Variants in MGAT5 observed in about 807,000 individuals in gnomAD.
The protein encoded by MGAT5 is alpha-1,6-mannosylglycoprotein 6-beta-N-acetylglucosaminyltransferase A.
MGAT5 carries 30 observed loss-of-function variants against 94.3 expected under a neutral mutation model. The ratio of observed to expected loss-of-function variants is 0.32; its 90% CI spans 0.24 to 0.43. The LOEUF is 0.43. Among genes scored for constraint, MGAT5 ranks in the 20% least tolerant of loss-of-function variants. MGAT5 has a pLI of 1.00. For missense variants in MGAT5, 691 were observed against 905.5 expected (o/e 0.76, Z 3.04); for synonymous variants, 310 against 322.9 (o/e 0.96, Z 0.43).
Position 134,254,380 on chromosome 2 carries a change from G to A in MGAT5, c.-24G>A. 11 of 1,613,708 alleles carry A rather than the reference G, an allele frequency of 6.8e-6. No individual in the cohort carries two copies. Among genetic ancestry groups the A allele is most frequent in the Non-Finnish European group, 9.3e-6 (11 of 1,179,814 alleles). On this transcript the variant is annotated 5_prime_UTR_variant, in exon 1 of 16. Coordinates refer to ENST00000281923, the MANE Select transcript of MGAT5 (RefSeq NM_002410.5). ...TATCTTCTACGCGTTAAGAGCCAAG[G>A]ACAGGTGAAGTTGCCAGAGAGCAAT... is the stretch of plus-strand genomic sequence containing the variant.
intron 2 of MGAT5, among the ~76,000 whole-genome samples, chr2:134,279,638 G>A (rs1311485605): frequency 6.6e-6 from 1 of 152,192 alleles, no homozygotes; most frequent in Non-Finnish European, 1.5e-5. Flanking sequence ...GGGCTGTCCT[G>A]GGGACCTTGA....
intron 1 of MGAT5, among the ~76,000 whole-genome samples, chr2:134,155,400 G>T (rs1366495364): frequency 6.6e-6 from 1 of 152,234 alleles, no homozygotes; most frequent in East Asian, 1.9e-4. Context: ...GGTTTCTGAA[G>T]TTGGTCTGAT....
intron 1 of MGAT5, among the ~76,000 whole-genome samples, chr2:134,233,739 C>G (rs991733149): frequency 6.6e-6 from 1 of 152,148 alleles, no homozygotes; most frequent in Non-Finnish European, 1.5e-5. Context: ...AAATTTAAAC[C>G]CTGCAGGTAG....
In MGAT5 at chr2:134,417,030, A is replaced by G. The variant is rs1386701633; in HGVS notation, c.1677+4015A>G. Among the ~76,000 whole-genome samples, 8 of 152,040 alleles carry G rather than the reference A, an allele frequency of 5.3e-5. No individual in the cohort carries two copies. The East Asian group carries it at 1.4e-3, about 26-fold the overall frequency. ...TATAAATCATTTTGTTTATTCAGTT[A>G]TTGATGGATAAATGGGCAAAAGGTT... On this transcript the variant is annotated intron_variant, in intron 12 of 15. Coordinates refer to ENST00000281923, the MANE Select transcript of MGAT5 (RefSeq NM_002410.5).
chr2:134,388,207 T>A lies in MGAT5; in HGVS notation c.1381-14781T>A, dbSNP rs545708280. ...AAGCTTTTCTCAGAATAAACTGTGA[T>A]GACTCTTTTTCTTTAAATTTTGCCA... On this transcript the variant is annotated intron_variant, in intron 10 of 15. Coordinates refer to ENST00000281923, the MANE Select transcript of MGAT5 (RefSeq NM_002410.5). 7.7e-4 allele frequency among the ~76,000 whole-genome samples: 117 copies of A among 152,316 alleles called. 1 individual carries two copies. The Middle Eastern group carries it at 0.01, about 13-fold the overall frequency.
chr2:134,427,954 C>T (rs1239762298), intron 13 of MGAT5, among the ~76,000 whole-genome samples: 2 of 152,212 alleles, frequency 1.3e-5, no homozygotes, highest in Non-Finnish European at 2.9e-5. Flanking sequence ...ATGTGCCACA[C>T]TGTGCTCATC....
intron 1 of MGAT5, among the ~76,000 whole-genome samples, chr2:134,128,977 A>G (rs183440376): frequency 6.6e-6 from 1 of 152,154 alleles, no homozygotes; most frequent in African/African-American, 2.4e-5. Context: ...TGACTGTTCT[A>G]TTTCCTCACT....
chr2:134,124,030 A>G (rs919457685), intron 1 of MGAT5, among the ~76,000 whole-genome samples: 1 of 152,218 alleles, frequency 6.6e-6, no homozygotes, highest in African/African-American at 2.4e-5. Flanking sequence ...TTTACATCCT[A>G]TGTCAACATC....
chr2:134,313,773 A>C (rs533981980), intron 2 of MGAT5, among the ~76,000 whole-genome samples: 1 of 152,132 alleles, frequency 6.6e-6, no homozygotes, highest in Non-Finnish European at 1.5e-5. Flanking sequence ...AGTTTGTTAC[A>C]TGAGTAAACT....
intron 1 of MGAT5, among the ~76,000 whole-genome samples, chr2:134,133,716 C>T (rs1686279118): frequency 6.6e-6 from 1 of 152,114 alleles, no homozygotes; most frequent in Admixed American, 6.5e-5. Flanking sequence ...GAGGAAACCT[C>T]AAATCCATCT....
chr2:134,156,886 C>A (rs1687505585), intron 1 of MGAT5, among the ~76,000 whole-genome samples: 1 of 152,162 alleles, frequency 6.6e-6, no homozygotes, highest in African/African-American at 2.4e-5. Flanking sequence ...TGGACTCGGA[C>A]ACATCCAGGT....
chr2:134,236,825 G>C (rs1681662751), intron 1 of MGAT5, among the ~76,000 whole-genome samples: 1 of 152,110 alleles, frequency 6.6e-6, no homozygotes, highest in South Asian at 2.1e-4. Flanking sequence ...ACTCTGTCTT[G>C]TACCCTCAGT....
At chr2:134,145,077 C>T (rs1686848495) in intron 1 of MGAT5, among the ~76,000 whole-genome samples, 1 of 152,206 alleles carries the variant, frequency 6.6e-6, no homozygotes, top group Admixed American at 6.5e-5. Context: ...CATCCCAACC[C>T]CCACCTTGGT....
At chr2:134,225,862 T>TAACA (rs1681034902) in intron 1 of MGAT5, among the ~76,000 whole-genome samples, 1 of 152,254 alleles carries the variant, frequency 6.6e-6, no homozygotes, top group South Asian at 2.1e-4. Flanking sequence ...GGGGTGTCAC[T>TAACA]AACAGTGTAC....
chr2:134,239,676 C>T (rs1681863334), intron 1 of MGAT5, among the ~76,000 whole-genome samples: 1 of 151,778 alleles, frequency 6.6e-6, no homozygotes, highest in South Asian at 2.1e-4. Flanking sequence ...CCTTGATTTC[C>T]CTTTGCCATG....
At chr2:134,187,896 T>C (rs1304273827) in intron 1 of MGAT5, among the ~76,000 whole-genome samples, 1 of 152,176 alleles carries the variant, frequency 6.6e-6, no homozygotes, top group East Asian at 1.9e-4. Flanking sequence ...TTGAACACTT[T>C]AAGTAATAGG....
intron 10 of MGAT5, among the ~76,000 whole-genome samples, chr2:134,371,646 C>A (rs1680809413): frequency 2.6e-5 from 4 of 152,176 alleles, no homozygotes; most frequent in Admixed American, 2.6e-4. Flanking sequence ...AGCCCTGCAT[C>A]TGGGACTTGG....
chr2:134,392,608 G>T (rs1682477875), intron 10 of MGAT5, among the ~76,000 whole-genome samples: 1 of 152,184 alleles, frequency 6.6e-6, no homozygotes, highest in Admixed American at 6.5e-5. Context: ...TTTGTCACGT[G>T]TCAAGTCCCC....
In MGAT5 at chr2:134,288,285, C is replaced by A. The variant is rs368316818; in HGVS notation, c.406+17735C>A. 3.9e-5 allele frequency among the ~76,000 whole-genome samples: 6 copies of A among 152,184 alleles called. 1 individual carries two copies. The East Asian group carries it at 1.2e-3, about 29-fold the overall frequency. Reference sequence around the variant, plus strand: ...AATGGCCATTCAAGACCTGTTTCTGCCTGTTTCAAGTTCCATATAGGAATT... The same window carrying A: ...AATGGCCATTCAAGACCTGTTTCTGACTGTTTCAAGTTCCATATAGGAATT... On this transcript the variant is annotated intron_variant, in intron 2 of 15. Transcript: ENST00000281923.
Sources: gnomAD v4.1 joint callset for allele counts (sites outside exome capture counted in the v4.1 genomes callset) on GRCh38, gnomAD v4.1.1 for gene constraint, MANE v1.5 for transcripts, NCBI Gene and HGNC (gene_info 2026-07-23, HGNC 2026-07-21) for gene names.